CCSER1: variants seen among roughly 807,000 people sequenced by gnomAD.
CCSER1 encodes the protein coiled-coil serine rich protein 1.
A neutral mutation model predicts 82.0 loss-of-function variants in CCSER1; 41 were observed. That is an observed-to-expected ratio of 0.50 (90% CI 0.39 to 0.65). CCSER1 has a LOEUF of 0.65. CCSER1 is among the 30% of genes least tolerant of loss of function. The probability of loss-of-function intolerance (pLI) is 0.00; values close to 1 mark genes in which losing one functional copy is unlikely to be tolerated. For synonymous variants in CCSER1, 414 were observed against 383.9 expected, an observed-to-expected ratio of 1.08 and a Z score of -0.92; for missense variants, 1,119 against 1,064.2, an observed-to-expected ratio of 1.05 and a Z score of -0.72.
intron 10 of CCSER1, among the ~76,000 whole-genome samples, chr4:91,249,786 A>G (rs964040914): frequency 1.3e-5 from 2 of 152,102 alleles, no homozygotes; most frequent in Non-Finnish European, 2.9e-5. Context: ...CCTGGGTATC[A>G]GATACTCAAT....
chr4:91,452,999 G>T (rs1403544722), intron 10 of CCSER1, among the ~76,000 whole-genome samples: 1 of 151,938 alleles, frequency 6.6e-6, no homozygotes, highest in Non-Finnish European at 1.5e-5. Flanking sequence ...AGAAATATTT[G>T]TATTACTCTC....
At chr4:90,326,214 A>T (rs1738167529) in intron 3 of CCSER1, among the ~76,000 whole-genome samples, 1 of 151,580 alleles carries the variant, frequency 6.6e-6, no homozygotes, top group Non-Finnish European at 1.5e-5. Flanking sequence ...ACCTGCCACC[A>T]CGCCCGGCTA....
intron 10 of CCSER1, among the ~76,000 whole-genome samples, chr4:91,422,864 A>G (rs1753756918): frequency 6.6e-6 from 1 of 152,172 alleles, no homozygotes; most frequent in South Asian, 2.1e-4. Flanking sequence ...GGTGTTAGCA[A>G]TGGGTAAATA....
intron 10 of CCSER1, among the ~76,000 whole-genome samples, chr4:91,375,287 T>C (rs1416958604): frequency 6.6e-6 from 1 of 152,192 alleles, no homozygotes; most frequent in Non-Finnish European, 1.5e-5. Context: ...CCTGAAGATA[T>C]GACTGAATTG....
chr4:91,291,926 C>A (rs999212829), intron 10 of CCSER1, among the ~76,000 whole-genome samples: 3 of 152,070 alleles, frequency 2.0e-5, no homozygotes, highest in Non-Finnish European at 4.4e-5. Flanking sequence ...TACCCAACAT[C>A]CAAGACTTTG....
At chr4:90,876,202 T>A (rs962790366) in intron 8 of CCSER1, among the ~76,000 whole-genome samples, 3 of 152,088 alleles carry the variant, frequency 2.0e-5, no homozygotes, top group African/African-American at 7.2e-5. Context: ...ACTCATCCCA[T>A]TCTTCACTCC....
At chr4:90,604,324 A>T (rs1299123822) in intron 5 of CCSER1, among the ~76,000 whole-genome samples, 2 of 152,098 alleles carry the variant, frequency 1.3e-5, no homozygotes, top group Non-Finnish European at 2.9e-5. Flanking sequence ...AAGGCTGCCC[A>T]TGTGTACCGG....
At chr4:91,069,313 G>A (rs28583822) in intron 9 of CCSER1, among the ~76,000 whole-genome samples, 1 of 151,816 alleles carries the variant, frequency 6.6e-6, no homozygotes, top group Admixed American at 6.6e-5. Context: ...TTGGTGATTT[G>A]CCCAAGGTTA....
At chr4:90,201,918 A>G (rs905544192) in intron 1 of CCSER1, among the ~76,000 whole-genome samples, 7 of 152,170 alleles carry the variant, frequency 4.6e-5, no homozygotes, top group African/African-American at 1.7e-4. Flanking sequence ...CCAGTTTATC[A>G]TATACTTCAG....
chr4:91,328,350 C>T (rs967507504), intron 10 of CCSER1, among the ~76,000 whole-genome samples: 1 of 152,204 alleles, frequency 6.6e-6, no homozygotes, highest in African/African-American at 2.4e-5. Flanking sequence ...GAAGTAAGCA[C>T]ATCCTCACAT....
intron 10 of CCSER1, among the ~76,000 whole-genome samples, chr4:91,495,681 T>C (rs142178772): frequency 0.012 from 1,746 of 151,646 alleles, 12 homozygotes; most frequent in African/African-American, 0.023. Context: ...TTTAGAAATA[T>C]TTTTCCCCAA....
At chr4:91,539,270 ATCT>A (rs889649183) in intron 10 of CCSER1, among the ~76,000 whole-genome samples, 22 of 152,084 alleles carry the variant, frequency 1.4e-4, no homozygotes, top group African/African-American at 5.1e-4. Flanking sequence ...TTTTCAGATT[ATCT>A]TCTTATCAAA....
intron 4 of CCSER1, among the ~76,000 whole-genome samples, chr4:90,409,544 A>C (rs1472614553): frequency 6.6e-6 from 1 of 152,210 alleles, no homozygotes; most frequent in Admixed American, 6.5e-5. Flanking sequence ...TTCATAAGTG[A>C]AGGAGAAATA....
chr4:90,755,164 A>T (rs1223336826), intron 7 of CCSER1, among the ~76,000 whole-genome samples: 4 of 152,174 alleles, frequency 2.6e-5, no homozygotes, highest in African/African-American at 9.7e-5. Flanking sequence ...AAGCCTAGAA[A>T]ATATAGTGTG....
intron 10 of CCSER1, among the ~76,000 whole-genome samples, chr4:91,555,619 C>T (rs1762363079): frequency 6.7e-6 from 1 of 150,148 alleles, no homozygotes. Context: ...GATACAAAAA[C>T]AAATCTAACA....
intron 10 of CCSER1, among the ~76,000 whole-genome samples, chr4:91,422,470 C>G (rs189000646): frequency 6.6e-6 from 1 of 152,232 alleles, no homozygotes; most frequent in East Asian, 1.9e-4. Flanking sequence ...GTGTGTCATA[C>G]TTAATTACCC....
In CCSER1 at chr4:90,407,370, T is replaced by C. The variant is rs1197151911; in HGVS notation, c.1603+7241T>C. 2.6e-5 allele frequency among the ~76,000 whole-genome samples: 4 copies of C among 152,158 alleles called. No homozygotes were observed. The East Asian group carries it at 5.8e-4, about 22-fold the overall frequency. The stretch of plus-strand genomic sequence containing the variant: ...GCTTGAAATGATAATTTAAAAACTG[T>C]CAACAAAAAAAGTTTAGGACCAGAT... On this transcript the variant is annotated intron_variant, in intron 4 of 10. Transcript: ENST00000509176.
chr4:91,061,103 A>G (rs192077325), intron 9 of CCSER1, among the ~76,000 whole-genome samples: 9 of 152,082 alleles, frequency 5.9e-5, no homozygotes, highest in Admixed American at 5.9e-4. Flanking sequence ...ATACTCCTAA[A>G]TAATGACTTT....
intron 6 of CCSER1, among the ~76,000 whole-genome samples, chr4:90,639,010 A>G (rs1029453833): frequency 6.6e-6 from 1 of 152,104 alleles, no homozygotes; most frequent in African/African-American, 2.4e-5. Context: ...TGGACAATTA[A>G]GCAATAAAAT....
Sources: gnomAD v4.1 joint callset for allele counts (sites outside exome capture counted in the v4.1 genomes callset) on GRCh38, gnomAD v4.1.1 for gene constraint, MANE v1.5 for transcripts, NCBI Gene and HGNC (gene_info 2026-07-23, HGNC 2026-07-21) for gene names.